CPA6: variants seen among roughly 807,000 people sequenced by gnomAD.
CPA6 encodes the protein carboxypeptidase B.
Under a neutral mutation model 63.3 loss-of-function variants are expected in CPA6, and 58 were observed. The ratio of observed to expected loss-of-function variants is 0.92; its 90% confidence interval spans 0.74 to 1.14. CPA6 has a LOEUF of 1.14. Ranked by LOEUF, CPA6 falls within the 50% of genes most tolerant of loss-of-function variation. CPA6 has a pLI of 0.00. For missense variants in CPA6, 565 were observed against 526.6 expected (o/e 1.07, Z -0.71); for synonymous variants, 185 against 179.0 (o/e 1.03, Z -0.27).
chr8:67,488,236 G>A (rs562456956), intron 6 of CPA6, among the ~76,000 whole-genome samples: 2 of 152,338 alleles, frequency 1.3e-5, no homozygotes, highest in South Asian at 2.1e-4. Flanking sequence ...TGCATAAGGT[G>A]TAAGGAGGGG....
intron 8 of CPA6, among the ~76,000 whole-genome samples, chr8:67,460,874 A>G (rs1373974455): frequency 6.6e-6 from 1 of 152,132 alleles, no homozygotes; most frequent in South Asian, 2.1e-4. Context: ...GCGAAGTACC[A>G]GGAGAGAAGA....
At chr8:67,605,742 G>T (rs115497516) in intron 2 of CPA6, among the ~76,000 whole-genome samples, 1 of 151,954 alleles carries the variant, frequency 6.6e-6, no homozygotes, top group Non-Finnish European at 1.5e-5. Context: ...AATGTACATC[G>T]GCTCAAACTC....
chr8:67,563,096 C>A (rs1017034379), intron 2 of CPA6, among the ~76,000 whole-genome samples: 3 of 148,700 alleles, frequency 2.0e-5, no homozygotes, highest in Non-Finnish European at 4.5e-5. Flanking sequence ...TAGAACTAAA[C>A]TGAGTCAAAA....
chr8:67,575,672 C>T (rs1028025523), intron 2 of CPA6, among the ~76,000 whole-genome samples: 2 of 152,166 alleles, frequency 1.3e-5, no homozygotes, highest in Admixed American at 1.3e-4. Flanking sequence ...GCCTGGCCAA[C>T]ATGGTGAAAC....
At chr8:67,595,390 G>A (rs1429428288) in intron 2 of CPA6, among the ~76,000 whole-genome samples, 1 of 152,218 alleles carries the variant, frequency 6.6e-6, no homozygotes, top group Non-Finnish European at 1.5e-5. Flanking sequence ...TGCATGCTGG[G>A]AGAACTGCTG....
At chr8:67,513,504 A>T (rs1010204285) in intron 3 of CPA6, among the ~76,000 whole-genome samples, 1 of 152,270 alleles carries the variant, frequency 6.6e-6, no homozygotes, top group East Asian at 1.9e-4. Flanking sequence ...TAAGGAAAAA[A>T]AAATGTAGAC....
chr8:67,714,286 C>A (rs1029520946), intron 1 of CPA6, among the ~76,000 whole-genome samples: 3 of 152,118 alleles, frequency 2.0e-5, no homozygotes, highest in Non-Finnish European at 4.4e-5. Context: ...TGGAAAGCGA[C>A]TAAAAAGGAG....
intron 8 of CPA6, among the ~76,000 whole-genome samples, chr8:67,462,860 A>G (rs1587453410): frequency 6.6e-6 from 1 of 152,192 alleles, no homozygotes; most frequent in East Asian, 1.9e-4. Context: ...GTAGCATTCA[A>G]GCAGAGTGCC....
At chr8:67,475,956 T>C (rs1333385307) in intron 8 of CPA6, among the ~76,000 whole-genome samples, 1 of 145,956 alleles carries the variant, frequency 6.9e-6, no homozygotes, top group Non-Finnish European at 1.5e-5. Context: ...CTGTCTTTCT[T>C]TCTCTTTCTC....
chr8:67,550,954 T>C (rs1812924785), intron 2 of CPA6, among the ~76,000 whole-genome samples: 1 of 152,150 alleles, frequency 6.6e-6, no homozygotes, highest in Admixed American at 6.5e-5. Context: ...CAAAAGCATA[T>C]TTTGTGAATA....
chr8:67,740,070 A>T (rs1000223777), intron 1 of CPA6, among the ~76,000 whole-genome samples: 1 of 152,228 alleles, frequency 6.6e-6, no homozygotes, highest in Admixed American at 6.5e-5. Context: ...AAACTCATTA[A>T]GGATGCAAAC....
intron 2 of CPA6, among the ~76,000 whole-genome samples, chr8:67,539,379 T>A (rs1812657840): frequency 6.6e-6 from 1 of 152,266 alleles, no homozygotes; most frequent in Admixed American, 6.5e-5. Context: ...CTTAGTCTGA[T>A]GGGCTTCCCT....
intron 2 of CPA6, among the ~76,000 whole-genome samples, chr8:67,559,253 G>C (rs1361707272): frequency 6.6e-6 from 1 of 152,128 alleles, no homozygotes; most frequent in South Asian, 2.1e-4. Flanking sequence ...CATAAGATCA[G>C]TATCAAATTT....
chr8:67,558,731 C>T lies in CPA6; in HGVS notation c.193-40684G>A, dbSNP rs1563999937. On this transcript the variant is annotated intron_variant, in intron 2 of 10. Transcript: ENST00000297770. ...AAGAGTCTGTCAGACTGAAGAAAGG[C>T]TGCTGCAAACCATTCACTGATGTGT... 3.3e-5 allele frequency among the ~76,000 whole-genome samples: 5 copies of T among 152,162 alleles called. No homozygotes were observed. The South Asian group carries it at 1.0e-3, about 32-fold the overall frequency.
intron 2 of CPA6, among the ~76,000 whole-genome samples, chr8:67,601,163 G>T (rs1353953020): frequency 6.6e-6 from 1 of 152,132 alleles, no homozygotes; most frequent in Non-Finnish European, 1.5e-5. Flanking sequence ...ATGTGTAGTA[G>T]AATAGCTGTG....
At chr8:67,472,417 T>A (rs562668076) in intron 8 of CPA6, among the ~76,000 whole-genome samples, 3 of 141,396 alleles carry the variant, frequency 2.1e-5, no homozygotes, top group Non-Finnish European at 4.7e-5. Flanking sequence ...CTTATCTTAT[T>A]TTATTTTATT....
intron 1 of CPA6, among the ~76,000 whole-genome samples, chr8:67,697,180 C>A (rs1053918600): frequency 6.6e-6 from 1 of 152,156 alleles, no homozygotes; most frequent in Non-Finnish European, 1.5e-5. Context: ...ATGGGGGACC[C>A]TGGGAACACC....
At chr8:67,540,949 G>A (rs1360362844) in intron 2 of CPA6, among the ~76,000 whole-genome samples, 3 of 152,218 alleles carry the variant, frequency 2.0e-5, no homozygotes, top group African/African-American at 7.2e-5. Context: ...CTCCATGGGG[G>A]TGGGATCCAC....
chr8:67,466,707 G>T (rs1341897699), intron 8 of CPA6, among the ~76,000 whole-genome samples: 1 of 151,922 alleles, frequency 6.6e-6, no homozygotes, highest in Non-Finnish European at 1.5e-5. Context: ...TGTTAATTTT[G>T]TTGTTTACCC....
Sources: allele counts gnomAD v4.1 joint callset (sites outside exome capture counted in the v4.1 genomes callset), GRCh38; gene constraint gnomAD v4.1.1; transcripts MANE v1.5; gene names NCBI Gene and HGNC (gene_info 2026-07-23, HGNC 2026-07-21).